AUTS2: variants seen among roughly 807,000 people sequenced by gnomAD.
AUTS2 encodes autism susceptibility gene 2 protein.
A neutral mutation model predicts 112.4 loss-of-function variants in AUTS2; 17 were observed. The observed-to-expected ratio is 0.15, with a 90% confidence interval of 0.10 to 0.23. The LOEUF (loss-of-function observed/expected upper bound fraction) is 0.23. Ranked by LOEUF, AUTS2 falls within the 10% of genes least tolerant of loss-of-function variation. The pLI is 1.00. For synonymous variants in AUTS2, 751 were observed against 702.7 expected, an observed-to-expected ratio of 1.07 and a Z score of -1.09; for missense variants, 1,510 against 1,701.6, an observed-to-expected ratio of 0.89 and a Z score of 1.98.
At chr7:69,839,512 A>T (rs892568974) in intron 1 of AUTS2, among the ~76,000 whole-genome samples, 15 of 152,124 alleles carry the variant, frequency 9.9e-5, no homozygotes, top group Non-Finnish European at 1.5e-4. Flanking sequence ...ACCTTATTTT[A>T]TCTCTCCAAG....
intron 4 of AUTS2, among the ~76,000 whole-genome samples, chr7:70,295,773 C>T (rs561700162): frequency 3.5e-4 from 54 of 152,186 alleles, no homozygotes; most frequent in Admixed American, 9.2e-4. Context: ...AGAAGTATGA[C>T]GTTAAGCTTA....
At chr7:70,392,934 A>G (rs1406949147) in intron 4 of AUTS2, among the ~76,000 whole-genome samples, 3 of 152,142 alleles carry the variant, frequency 2.0e-5, no homozygotes, top group Non-Finnish European at 4.4e-5. Context: ...AAACTTAGAG[A>G]GGTTTTCTAC....
chr7:70,159,829 A>G (rs191186905), intron 4 of AUTS2, among the ~76,000 whole-genome samples: 1 of 152,296 alleles, frequency 6.6e-6, no homozygotes, highest in Admixed American at 6.5e-5. Context: ...ATGAGTATCT[A>G]TCTGATGAGG....
intron 4 of AUTS2, among the ~76,000 whole-genome samples, chr7:70,191,778 A>T (rs182154601): frequency 2.0e-5 from 3 of 152,198 alleles, no homozygotes; most frequent in East Asian, 3.9e-4. Context: ...AAGACAAAAA[A>T]GGCCAGGCCC....
At chr7:70,472,459 C>A (rs1797427811) in intron 5 of AUTS2, among the ~76,000 whole-genome samples, 6 of 151,830 alleles carry the variant, frequency 4.0e-5, no homozygotes, top group Non-Finnish European at 8.8e-5. Flanking sequence ...GAGCTCTACC[C>A]AGTTGCTGGG....
intron 5 of AUTS2, among the ~76,000 whole-genome samples, chr7:70,652,195 A>C (rs1437817697): frequency 1.3e-5 from 2 of 152,144 alleles, no homozygotes. Context: ...CAATACACCA[A>C]ACCACCTTCA....
At chr7:70,711,849 C>G (rs1339726364) in intron 6 of AUTS2, among the ~76,000 whole-genome samples, 1 of 152,168 alleles carries the variant, frequency 6.6e-6, no homozygotes, top group African/African-American at 2.4e-5. Flanking sequence ...ACCGGTGACC[C>G]TGGCGAAAAC....
chr7:70,012,661 G>T (rs891370829), intron 2 of AUTS2, among the ~76,000 whole-genome samples: 2 of 151,758 alleles, frequency 1.3e-5, no homozygotes, highest in African/African-American at 4.8e-5. Flanking sequence ...AATGGTGTTA[G>T]AAGAGGCTTT....
chr7:70,130,234 CAT>C (rs1013032743), intron 3 of AUTS2, among the ~76,000 whole-genome samples: 1 of 152,160 alleles, frequency 6.6e-6, no homozygotes, highest in African/African-American at 2.4e-5. Context: ...GTGGAGTACA[CAT>C]GTGTCCTGTC....
intron 4 of AUTS2, among the ~76,000 whole-genome samples, chr7:70,226,446 C>T (rs1423761963): frequency 6.6e-6 from 1 of 150,436 alleles, no homozygotes; most frequent in Non-Finnish European, 1.5e-5. Flanking sequence ...ACCTTGTGAT[C>T]CGCCCTCCTT....
chr7:70,019,114 A>G lies in AUTS2; in HGVS notation c.523-99018A>G, dbSNP rs191313917. Among the ~76,000 whole-genome samples the G allele has an allele frequency of 6.3e-4, 96 of 152,338 alleles. 2 individuals are homozygous for G. Among genetic ancestry groups the G allele is most frequent in the Admixed American group, 6.1e-3 (94 of 15,300 alleles). On this transcript the variant is annotated intron_variant, in intron 2 of 18. Transcript: ENST00000342771. ...GAATGAGGTCATGTCCTTTGCAGGA[A>G]CATGGATAGGAGCTGTAGGCTATTA... is the stretch of plus-strand genomic sequence containing the variant.
At chr7:69,744,635 C>T (rs1269911571) in intron 1 of AUTS2, among the ~76,000 whole-genome samples, 2 of 150,716 alleles carry the variant, frequency 1.3e-5, no homozygotes, top group East Asian at 3.9e-4. Flanking sequence ...GACTTGGATA[C>T]CAGTCTGGAC....
chr7:70,241,585 G>T (rs1346124953), intron 4 of AUTS2, among the ~76,000 whole-genome samples: 1 of 152,026 alleles, frequency 6.6e-6, no homozygotes, highest in African/African-American at 2.4e-5. Context: ...TTCATCCCTA[G>T]CCCCTGTGGG....
intron 4 of AUTS2, among the ~76,000 whole-genome samples, chr7:70,387,119 A>T (rs540396471): frequency 6.6e-6 from 1 of 152,120 alleles, no homozygotes; most frequent in Non-Finnish European, 1.5e-5. Flanking sequence ...TGCCTCCTCA[A>T]GCTACCATTC....
At chr7:70,581,768 T>G (rs1173135710) in intron 5 of AUTS2, among the ~76,000 whole-genome samples, 1 of 152,312 alleles carries the variant, frequency 6.6e-6, no homozygotes, top group African/African-American at 2.4e-5. Context: ...TAAAAGAGAC[T>G]CTGCTATCAC....
chr7:70,206,827 T>C (rs931101092), intron 4 of AUTS2, among the ~76,000 whole-genome samples: 12 of 152,218 alleles, frequency 7.9e-5, no homozygotes, highest in Non-Finnish European at 2.9e-5. Flanking sequence ...ATTTGTTGTA[T>C]TCTGAGTGCT....
chr7:70,066,492 T>C (rs1802498165), intron 2 of AUTS2, among the ~76,000 whole-genome samples: 1 of 151,818 alleles, frequency 6.6e-6, no homozygotes, highest in Non-Finnish European at 1.5e-5. Context: ...TATGTCCTAG[T>C]AAAAGTTTAA....
intron 6 of AUTS2, among the ~76,000 whole-genome samples, chr7:70,748,950 G>A (rs902595184): frequency 2.0e-5 from 3 of 152,176 alleles, no homozygotes; most frequent in African/African-American, 7.2e-5. Flanking sequence ...CCTTGAAGGT[G>A]CTCACAGTTG....
chr7:70,431,344 T>C (rs938426653), intron 4 of AUTS2, among the ~76,000 whole-genome samples: 1 of 152,218 alleles, frequency 6.6e-6, no homozygotes, highest in Non-Finnish European at 1.5e-5. Flanking sequence ...TACCTAAGGA[T>C]TGTAGATTTA....
Sources: gnomAD v4.1 joint callset for allele counts (sites outside exome capture counted in the v4.1 genomes callset) on GRCh38, gnomAD v4.1.1 for gene constraint, MANE v1.5 for transcripts, NCBI Gene and HGNC (gene_info 2026-07-23, HGNC 2026-07-21) for gene names.